The following MROH1 variants were observed in gnomAD, a reference collection of about 807,000 sequenced individuals.
MROH1 encodes maestro heat like repeat family member 1, also known as maestro heat-like repeat-containing protein family member 1.
A neutral mutation model predicts 116.5 loss-of-function variants in MROH1; 117 were observed. That is an observed-to-expected ratio of 1.00 (90% CI 0.86 to 1.17). The LOEUF (loss-of-function observed/expected upper bound fraction) is 1.17, where lower values mean the gene tolerates loss of function less well. Among genes scored for constraint, MROH1 ranks in the 50% most tolerant of loss-of-function variants. The probability of loss-of-function intolerance (pLI) is 0.00; values close to 1 mark genes in which losing one functional copy is unlikely to be tolerated. For synonymous variants in MROH1, 921 were observed against 583.9 expected, an observed-to-expected ratio of 1.58 and a Z score of -8.32; for missense variants, 1,873 against 1,338.5, an observed-to-expected ratio of 1.40 and a Z score of -6.23.
In MROH1 at chr8:144,240,580, A is replaced by C. The variant is rs886820393; in HGVS notation, c.1838A>C (p.Asp613Ala). Residue 613 changes from aspartate (D) to alanine (A), a missense_variant, in exon 20 of 44, where the codon GAC becomes GCC. By Grantham distance (126) the Asp-to-Ala change is moderately radical. Coordinates refer to ENST00000326134, the MANE Select transcript of MROH1 (RefSeq NM_032450.3). ...WEEKLLMFLR[D>A]TLAIISDNAW... Reference sequence around the variant, plus strand: ...CATCTTGGCCTGCAGTTCCTGCGAGACACCCTGGCCATCATTTCTGACAAC... The same window carrying C: ...CATCTTGGCCTGCAGTTCCTGCGAGCCACCCTGGCCATCATTTCTGACAAC... The C allele has an allele frequency of 2.2e-4, 160 of 716,854 alleles. No homozygotes were observed. The East Asian group carries it at 4.3e-3, about 19-fold the overall frequency. 44.4% of individuals were successfully genotyped at this position (716,854 alleles called of 1,614,324 possible). A position where few individuals can be genotyped will look rare whatever the true frequency, so the allele number is the denominator to read the frequency against.
intron 43 of MROH1, 57 bp downstream of exon 43, chr8:144,261,406 G>A (rs1250925533): frequency 1.0e-5 from 7 of 700,388 alleles, no homozygotes; most frequent in South Asian, 4.4e-5. Context: ...GTAGGCACCC[G>A]CAGGGACTAA....
At chr8:144,153,436 A>G (rs1258256620) in intron 1 of MROH1, among the ~76,000 whole-genome samples, 18 of 152,124 alleles carry the variant, frequency 1.2e-4, no homozygotes, top group Non-Finnish European at 1.0e-4. Context: ...ACCTCAGGTG[A>G]TCCACCTGCT....
At chr8:144,200,843 A>G (rs1830960281) in intron 12 of MROH1, 1 of 361,102 alleles carries the variant, frequency 2.8e-6, no homozygotes, top group Admixed American at 3.8e-5. Context: ...TAAGACAGCC[A>G]TCCCTGAGCC....
At chr8:144,168,640 TC>T (rs1322423375) in intron 4 of MROH1, among the ~76,000 whole-genome samples, 200 bp downstream of exon 4, 2 of 152,038 alleles carry the variant, frequency 1.3e-5, no homozygotes, top group African/African-American at 2.4e-5. Flanking sequence ...TATGGCCACA[TC>T]CCCCCACCAC....
intron 38 of MROH1, 30 bp from the exon 39 acceptor site, chr8:144,260,156 G>T: frequency 1.3e-6 from 1 of 763,286 alleles, no homozygotes; most frequent in Non-Finnish European, 2.4e-6. Context: ...GGTGACTCTG[G>T]GACCCAGGCT....
intron 26 of MROH1, 51 bp downstream of exon 26, chr8:144,243,993 A>G: frequency 2.6e-6 from 2 of 763,972 alleles, no homozygotes; most frequent in Non-Finnish European, 4.9e-6. Flanking sequence ...GTGTGCGTGC[A>G]TGTGTGTGCA....
intron 4 of MROH1, among the ~76,000 whole-genome samples, chr8:144,170,401 G>A (rs1321086924): frequency 1.3e-5 from 2 of 152,160 alleles, no homozygotes; most frequent in Non-Finnish European, 2.9e-5. Context: ...GACCCTGTGG[G>A]CTGTGACCCT....
At chr8:144,175,984 G>T (rs1022596869) in intron 4 of MROH1, among the ~76,000 whole-genome samples, 2 of 152,120 alleles carry the variant, frequency 1.3e-5, no homozygotes, top group Non-Finnish European at 2.9e-5. Flanking sequence ...GGGAGGCGGA[G>T]GTTGCAGTGA....
chr8:144,240,387 C>T (rs1488794387), intron 19 of MROH1, among the ~76,000 whole-genome samples, 183 bp from the exon 20 acceptor site: 2 of 152,184 alleles, frequency 1.3e-5, no homozygotes, highest in African/African-American at 2.4e-5. Flanking sequence ...GGCAACCTCT[C>T]ACCCTGCCTG....
chr8:144,235,183 A>T (rs991123435), intron 14 of MROH1, among the ~76,000 whole-genome samples: 29 of 152,256 alleles, frequency 1.9e-4, no homozygotes, highest in African/African-American at 6.8e-4. Context: ...GGCATAAGCC[A>T]CTGTGCCTGG....
chr8:144,155,315 C>CTG (rs1817772158), intron 1 of MROH1, among the ~76,000 whole-genome samples: 1 of 152,164 alleles, frequency 6.6e-6, no homozygotes. Context: ...CATGTAGGGT[C>CTG]TGTAAGTGTG....
chr8:144,222,478 A>C (rs1836978443), intron 13 of MROH1, among the ~76,000 whole-genome samples: 1 of 152,178 alleles, frequency 6.6e-6, no homozygotes, highest in Non-Finnish European at 1.5e-5. Flanking sequence ...AGGGACAGAG[A>C]AAAAAGCAGA....
intron 1 of MROH1, among the ~76,000 whole-genome samples, 195 bp downstream of exon 1, chr8:144,148,271 C>G (rs1262853469): frequency 1.3e-5 from 2 of 152,184 alleles, no homozygotes; most frequent in African/African-American, 4.8e-5. Flanking sequence ...AGGTGTGCGC[C>G]GCGCCACAGC....
At chr8:144,179,353 G>C in intron 4 of MROH1, 102 bp from the exon 5 acceptor site, 1 of 1,511,634 alleles carries the variant, frequency 6.6e-7, no homozygotes. Flanking sequence ...ACTTGAGGCA[G>C]AGAGATTTGT....
At chr8:144,252,580 A>T (rs1843010452) in intron 33 of MROH1, 1 of 151,754 alleles carries the variant, frequency 6.6e-6, no homozygotes, top group African/African-American at 2.4e-5. Flanking sequence ...AGGCAGGAGA[A>T]TGGTGTGAAC....
rs1287714023 is a variant in MROH1, at chr8:144,182,962, C to A, written c.562+2439C>A. On this transcript the variant is annotated intron_variant, in intron 7 of 43. Transcript: ENST00000326134. The surrounding 1 kb of genome is among the most constrained non-coding windows in gnomAD (Gnocchi z 4.1). Reference sequence around the variant, plus strand: ...GGTGTGGTGGCGCATGTCTGTAATCCCTGATACTGTGGATGAGACAGGAGG... The same window carrying A: ...GGTGTGGTGGCGCATGTCTGTAATCACTGATACTGTGGATGAGACAGGAGG... Among the ~76,000 whole-genome samples, 1 of 152,116 alleles carries A rather than the reference C, an allele frequency of 6.6e-6. No individual in the cohort carries two copies. The highest frequency in any genetic ancestry group is 1.5e-5 in the Non-Finnish European group (1 of 68,014).
chr8:144,200,336 T>G (rs749656189), intron 11 of MROH1, 92 bp from the exon 12 acceptor site: 1 of 1,026,274 alleles, frequency 9.7e-7, no homozygotes, highest in Non-Finnish European at 1.4e-6. Flanking sequence ...AACTCTCCTC[T>G]GGCTCCTCCC....
chr8:144,244,628 C>A (rs2133008819), intron 28 of MROH1, 89 bp downstream of exon 28: 1 of 708,504 alleles, frequency 1.4e-6, no homozygotes, highest in African/African-American at 1.7e-5. Context: ...CATGTGGGCA[C>A]CACAGGGACA....
chr8:144,243,552 G>T lies in MROH1; in HGVS notation c.2411G>T (p.Cys804Phe). 1.3e-6 allele frequency: 1 copy of T among 780,216 alleles called. No homozygotes were observed. Among genetic ancestry groups the T allele is most frequent in the Non-Finnish European group, 2.4e-6 (1 of 417,826 alleles). 48.3% of individuals were successfully genotyped at this position (780,216 alleles called of 1,614,324 possible). A position where few individuals can be genotyped will look rare whatever the true frequency, so the allele number is the denominator to read the frequency against. The change falls in exon 25 of 44, where the codon TGC becomes TTC. Residue 804 changes from cysteine (C) to phenylalanine (F), a missense_variant. Transcript: ENST00000326134. ...GTGTGCATGGTCAGCCGCGCCATCT[G>T]CAGCAGCACCCAGGCTGGCTCCTTC... The part of the protein sequence containing the change: ...QSVCMVSRAI[C>F]SSTQAGSFHF...
Sources: allele counts gnomAD v4.1 joint callset (sites outside exome capture counted in the v4.1 genomes callset), GRCh38; gene constraint gnomAD v4.1.1; non-coding constraint Gnocchi (gnomAD v3.1); transcripts MANE v1.5; gene names NCBI Gene and HGNC (gene_info 2026-07-23, HGNC 2026-07-21).